The following RYR3 variants were observed in gnomAD, a reference collection of about 807,000 sequenced individuals.
The protein encoded by RYR3 is ryanodine receptor 3.
Under a neutral mutation model 584.3 loss-of-function variants are expected in RYR3, and 207 were observed. That is an observed-to-expected ratio of 0.35 (90% CI 0.32 to 0.40). The LOEUF (loss-of-function observed/expected upper bound fraction) is 0.40. Among genes scored for constraint, RYR3 ranks in the 10% least tolerant of loss-of-function variants. RYR3 has a pLI of 1.00. For synonymous variants in RYR3, 2,416 were observed against 2,248.5 expected (o/e 1.07, Z -2.11); for missense variants, 5,616 against 6,089.2 (o/e 0.92, Z 2.59).
chr15:33,499,770 T>G (rs1416174931), intron 2 of RYR3, among the ~76,000 whole-genome samples: 2 of 152,204 alleles, frequency 1.3e-5, no homozygotes. Flanking sequence ...TAGCGAATAG[T>G]CGATCAGAGA....
Position 33,838,412 on chromosome 15 carries a change from G to A in RYR3, c.12432G>A (p.Met4144Ile). The change falls in exon 89 of 104, where the codon ATG (methionine) becomes ATA (isoleucine). Residue 4144 changes from methionine (M) to isoleucine (I), a missense_variant. Around this residue, in one of 9 missense-constraint regions of RYR3, gnomAD observed 918 missense variants for 887.4 expected, o/e 1.03. Coordinates refer to ENST00000634891, the MANE Select transcript of RYR3 (RefSeq NM_001036.6). ...TTGAGCCGGCCTCTGCATTTGCTATGGCCTGTGCCTCTGTGAAGAGGAATG... is the reference window on the plus strand; with the variant it reads ...TTGAGCCGGCCTCTGCATTTGCTATAGCCTGTGCCTCTGTGAAGAGGAATG... ...GSLEPASAFA[M>I]ACASVKRNVT... 9 of 1,613,988 alleles carry A rather than the reference G, an allele frequency of 5.6e-6. No individual in the cohort carries two copies. The highest frequency in any genetic ancestry group is 7.6e-6 in the Non-Finnish European group (9 of 1,179,892).
At chr15:33,389,444 C>T (rs2041850207) in intron 1 of RYR3, among the ~76,000 whole-genome samples, 2 of 152,124 alleles carry the variant, frequency 1.3e-5, no homozygotes, top group South Asian at 4.1e-4. Context: ...TAGGGAATAA[C>T]AGCAGCTGGC....
chr15:33,537,700 T>G (rs2055445939), intron 5 of RYR3, among the ~76,000 whole-genome samples: 1 of 152,198 alleles, frequency 6.6e-6, no homozygotes, highest in Non-Finnish European at 1.5e-5. Flanking sequence ...CACAGCGATG[T>G]GTCTTGGCGT....
chr15:33,463,713 C>G (rs1156374607), intron 1 of RYR3, among the ~76,000 whole-genome samples: 1 of 152,168 alleles, frequency 6.6e-6, no homozygotes, highest in Admixed American at 6.5e-5. Context: ...CTCTCCCTTG[C>G]AAGTTTTATA....
chr15:33,569,246 G>A (rs1186849925), intron 12 of RYR3, among the ~76,000 whole-genome samples: 1 of 152,114 alleles, frequency 6.6e-6, no homozygotes, highest in Non-Finnish European at 1.5e-5. Flanking sequence ...ATATAAATTT[G>A]TATAACTTTT....
At chr15:33,826,826 A>T in intron 84 of RYR3, 74 bp downstream of exon 84, 1 of 1,017,514 alleles carries the variant, frequency 9.8e-7, no homozygotes, top group Admixed American at 2.1e-5. Context: ...AGTATGCCCC[A>T]TTTGATGCAA....
At position 33,563,791 on chromosome 15, in the gene RYR3, A is replaced by G. The variant is rs991772814; in HGVS notation, c.1146+781A>G. Among the ~76,000 whole-genome samples the G allele has an allele frequency of 2.0e-5, 3 of 152,204 alleles. No individual in the cohort carries two copies. In the East Asian group the frequency reaches 5.8e-4, roughly 29 times the overall value. On this transcript the variant is annotated intron_variant, in intron 11 of 103. Coordinates refer to ENST00000634891, the MANE Select transcript of RYR3 (RefSeq NM_001036.6). The stretch of plus-strand genomic sequence containing the variant: ...CAGGTTATGATAAGAAAGGATGTTG[A>G]GAATGAACATAAGGTAATACCTTAT...
intron 3 of RYR3, among the ~76,000 whole-genome samples, chr15:33,516,203 T>A (rs914925738): frequency 6.6e-6 from 1 of 152,182 alleles, no homozygotes; most frequent in Non-Finnish European, 1.5e-5. Context: ...GCTTCCCCCA[T>A]GTTTTATTCA....
chr15:33,526,677 A>G (rs1254162884), intron 3 of RYR3, among the ~76,000 whole-genome samples: 1 of 151,914 alleles, frequency 6.6e-6, no homozygotes, highest in Non-Finnish European at 1.5e-5. Flanking sequence ...TGAAACCAAA[A>G]CACCACCTCC....
intron 5 of RYR3, among the ~76,000 whole-genome samples, chr15:33,534,944 A>G (rs181701450): frequency 6.5e-4 from 99 of 152,328 alleles, no homozygotes; most frequent in Middle Eastern, 3.4e-3. Flanking sequence ...CAAACAAGAG[A>G]ACTTGATTCA....
intron 1 of RYR3, among the ~76,000 whole-genome samples, chr15:33,369,897 T>C (rs376847343): frequency 1.3e-4 from 20 of 152,364 alleles, no homozygotes; most frequent in African/African-American, 4.1e-4. Flanking sequence ...CCATGGACTT[T>C]AAGGCTTAGA....
rs1331670974 is a variant in RYR3 at position 33,613,364 on chromosome 15, A to C, written c.2346A>C (p.Ser782=). 62 of 1,601,024 alleles carry C rather than the reference A, an allele frequency of 3.9e-5. No individual in the cohort carries two copies. The highest frequency in any genetic ancestry group is 5.2e-5 in the Non-Finnish European group (61 of 1,172,786). ...TCTTCTTCCCTGTGATGAGCTTTTC[A>C]GCAGGTGTCAAGTAAGTTATGGCTG... The part of the protein sequence containing the change: ...DGLFFPVMSF[S]AGVKVRFLMG... Residue 782 remains serine, a synonymous_variant, in exon 19 of 104, where the codon TCA becomes TCC. Coordinates refer to ENST00000634891, the MANE Select transcript of RYR3 (RefSeq NM_001036.6).
rs539367589 is a variant in RYR3 at position 33,751,454 on chromosome 15, G to A, written c.8399+1168G>A. On this transcript the variant is annotated intron_variant, in intron 57 of 103. Coordinates refer to ENST00000634891, the MANE Select transcript of RYR3 (RefSeq NM_001036.6). ...AACTGGCATGAGATGGTATCTCATTGTGGTTTCGATTTGCATTTCTCTAAT... is the reference window on the plus strand; with the variant it reads ...AACTGGCATGAGATGGTATCTCATTATGGTTTCGATTTGCATTTCTCTAAT... 5.5e-4 allele frequency among the ~76,000 whole-genome samples: 84 copies of A among 152,270 alleles called. 1 individual carries two copies. The highest frequency in any genetic ancestry group is 3.4e-3 in the Middle Eastern group (1 of 294).
chr15:33,848,405 T>A lies in RYR3; in HGVS notation c.13612T>A (p.Leu4538Met). 6.2e-7 allele frequency: 1 copy of A among 1,613,074 alleles called. No homozygotes were observed. The highest frequency in any genetic ancestry group is 1.3e-5 in the African/African-American group (1 of 75,000). ...TGACATCAAGGGGCAGTGGGACCGC[T>A]TGGTGATCAACACACCGTGAGTGTC... is the stretch of plus-strand genomic sequence containing the variant. ...EDDIKGQWDR[L>M]VINTPSFPNN... The change falls in exon 94 of 104, where the codon TTG becomes ATG. Residue 4538 changes from leucine to methionine, a missense_variant. Leu to Met is a conservative substitution (Grantham distance 15). Around this residue, in one of 9 missense-constraint regions of RYR3, gnomAD observed 918 missense variants for 887.4 expected, o/e 1.03. Transcript: ENST00000634891.
intron 57 of RYR3, among the ~76,000 whole-genome samples, chr15:33,753,557 C>A (rs1442646738): frequency 6.6e-6 from 1 of 152,060 alleles, no homozygotes; most frequent in Non-Finnish European, 1.5e-5. Context: ...GTTTTTATTC[C>A]GATATAGCCA....
At position 33,742,379 on chromosome 15, in the gene RYR3, G is replaced by A. The variant is rs1040523935; in HGVS notation, c.7834G>A (p.Glu2612Lys). ...CTCATTTCACAGTTTTTCCTTGCCT[G>A]AAAAATTGGAATACATCGTCACCAA... ...PINTMNFSLP[E>K]KLEYIVTKYA... The change falls in exon 52 of 104, where the codon GAA (glutamate) becomes AAA (lysine). Residue 2612 changes from glutamate (E) to lysine (K), a missense_variant. By Grantham distance (56) the Glu-to-Lys change is moderately conservative (BLOSUM62 1). Coordinates refer to ENST00000634891, the MANE Select transcript of RYR3 (RefSeq NM_001036.6). 6.2e-7 allele frequency: 1 copy of A among 1,612,294 alleles called. No individual in the cohort carries two copies. The highest frequency in any genetic ancestry group is 1.3e-5 in the African/African-American group (1 of 74,876).
chr15:33,446,986 TA>T (rs2046722174), intron 1 of RYR3, among the ~76,000 whole-genome samples: 2 of 152,256 alleles, frequency 1.3e-5, no homozygotes, highest in Non-Finnish European at 2.9e-5. Context: ...CAGACTCTTC[TA>T]TGCCATTGTA....
intron 10 of RYR3, among the ~76,000 whole-genome samples, chr15:33,557,713 G>T (rs1390156920): frequency 6.6e-6 from 1 of 151,994 alleles, no homozygotes; most frequent in Non-Finnish European, 1.5e-5. Context: ...ATCCTTCCAG[G>T]AATATTAAAC....
chr15:33,582,605 GTTA>G (rs1453130656), intron 14 of RYR3, among the ~76,000 whole-genome samples: 2 of 152,212 alleles, frequency 1.3e-5, no homozygotes, highest in African/African-American at 4.8e-5. Context: ...TTAAGGGTCA[GTTA>G]TTATTATTAC....
Sources: gnomAD v4.1 joint callset for allele counts (sites outside exome capture counted in the v4.1 genomes callset) on GRCh38, gnomAD v4.1.1 for gene constraint, gnomAD v4.1.1 regional missense constraint, MANE v1.5 for transcripts, NCBI Gene and HGNC (gene_info 2026-07-23, HGNC 2026-07-21) for gene names.